MAP3K20: variants seen among roughly 807,000 people sequenced by gnomAD.
The protein encoded by MAP3K20 is mitogen-activated protein kinase kinase kinase 20.
A neutral mutation model predicts 85.7 loss-of-function variants in MAP3K20; 40 were observed. That is an observed-to-expected ratio of 0.47 (90% CI 0.36 to 0.61). MAP3K20 has a LOEUF of 0.61. Ranked by LOEUF, MAP3K20 falls within the 20% of genes least tolerant of loss-of-function variation. MAP3K20 has a pLI of 0.00. For missense variants in MAP3K20, 817 were observed against 961.7 expected (o/e 0.85, Z 1.99); for synonymous variants, 325 against 327.7 (o/e 0.99, Z 0.09).
intron 2 of MAP3K20, among the ~76,000 whole-genome samples, chr2:173,168,158 G>T (rs115249975): frequency 2.7e-3 from 410 of 151,572 alleles, no homozygotes; most frequent in Non-Finnish European, 4.6e-3. Flanking sequence ...AAGAAGTAGG[G>T]TTGCCATGTG....
chr2:173,204,099 A>G (rs1166532232), intron 9 of MAP3K20, among the ~76,000 whole-genome samples: 1 of 152,206 alleles, frequency 6.6e-6, no homozygotes, highest in East Asian at 1.9e-4. Flanking sequence ...TTCTGAATTC[A>G]GTATAAATAA....
chr2:173,185,320 T>G (rs969100940), intron 4 of MAP3K20, among the ~76,000 whole-genome samples: 1 of 152,158 alleles, frequency 6.6e-6, no homozygotes, highest in Non-Finnish European at 1.5e-5. Context: ...TAAAATCCCT[T>G]TTGCCTGTCT....
intron 2 of MAP3K20, among the ~76,000 whole-genome samples, chr2:173,136,285 G>A (rs974107089): frequency 5.9e-5 from 9 of 152,144 alleles, no homozygotes; most frequent in African/African-American, 2.2e-4. Context: ...TTTCCTGTTC[G>A]TTCATGTTTC....
chr2:173,209,025 AAAAT>A, intron 9 of MAP3K20, among the ~76,000 whole-genome samples: 1 of 152,352 alleles, frequency 6.6e-6, no homozygotes, highest in East Asian at 1.9e-4. Flanking sequence ...ATTATAACAG[AAAAT>A]AAATATTGAG....
rs57170663 is a variant in MAP3K20 at position 173,112,806 on chromosome 2, A to ATT, written c.159+21624_159+21625dup. Among the ~76,000 whole-genome samples the ATT allele has an allele frequency of 4.0e-5, 6 of 151,038 alleles. No homozygotes were observed. The East Asian group carries it at 7.8e-4, about 20-fold the overall frequency. ...GATTATCTTTTTGATATGTTGTTGG[A>ATT]TTTTTTTTTAGCAAGTATTTCGTTA... On this transcript the variant is annotated intron_variant, in intron 2 of 19. Coordinates refer to ENST00000375213, the MANE Select transcript of MAP3K20 (RefSeq NM_016653.3).
At chr2:173,208,992 A>G (rs1559279686) in intron 9 of MAP3K20, among the ~76,000 whole-genome samples, 1 of 152,234 alleles carries the variant, frequency 6.6e-6, no homozygotes, top group Non-Finnish European at 1.5e-5. Context: ...ACAGTACCTT[A>G]CAGTGTCTTA....
intron 1 of MAP3K20, among the ~76,000 whole-genome samples, chr2:173,088,131 A>T (rs1574000487): frequency 6.6e-6 from 1 of 152,182 alleles, no homozygotes; most frequent in East Asian, 1.9e-4. Context: ...CGTGGGAGAG[A>T]TTAATGGGGG....
intron 2 of MAP3K20, among the ~76,000 whole-genome samples, chr2:173,156,213 T>G (rs1488677401): frequency 6.6e-6 from 1 of 152,244 alleles, no homozygotes; most frequent in Non-Finnish European, 1.5e-5. Flanking sequence ...CTTCGTGTTT[T>G]GAGACATTTT....
intron 2 of MAP3K20, chr2:173,160,087 GTCT>G (rs1325191463): frequency 1.3e-5 from 2 of 152,110 alleles, no homozygotes; most frequent in Admixed American, 6.5e-5. Context: ...CCAAAGAAAA[GTCT>G]TCATGATGTC....
intron 14 of MAP3K20, among the ~76,000 whole-genome samples, chr2:173,236,251 G>C (rs1684644195): frequency 9.0e-6 from 1 of 110,668 alleles, no homozygotes; most frequent in Non-Finnish European, 1.7e-5. Flanking sequence ...CTGGGCAATA[G>C]AGTGAGACCC....
At chr2:173,195,840 G>A (rs1290039395) in intron 7 of MAP3K20, among the ~76,000 whole-genome samples, 3 of 152,170 alleles carry the variant, frequency 2.0e-5, no homozygotes, top group Non-Finnish European at 4.4e-5. Flanking sequence ...TCCCTCAGCT[G>A]TAGTAGCTCT....
chr2:173,075,883 C>G lies in MAP3K20; in HGVS notation c.-154C>G. On this transcript the variant is annotated 5_prime_UTR_variant, in exon 1 of 20. Transcript: ENST00000375213. ...GTGCAGAGAGGCGGAATGTTCAACT[C>G]CTAACTGCAGCGGAAACGTGGGAGC... is the stretch of plus-strand genomic sequence containing the variant. The G allele has an allele frequency of 1.0e-6, 1 of 985,232 alleles. No homozygotes were observed. The highest frequency in any genetic ancestry group is 1.2e-6 in the Non-Finnish European group (1 of 829,896). The allele number at this position is 985,232 out of a possible 1,614,324, so 61.0% of individuals were successfully genotyped here. A position where few individuals can be genotyped will look rare whatever the true frequency, so the allele number is the denominator to read the frequency against.
intron 2 of MAP3K20, among the ~76,000 whole-genome samples, chr2:173,162,182 C>A (rs79161572): frequency 0.022 from 3,283 of 152,060 alleles, 61 homozygotes; most frequent in South Asian, 0.047. Flanking sequence ...TTTTATTTTT[C>A]AAAAATGTAG....
chr2:173,260,810 A>G (rs1457469238), intron 17 of MAP3K20, among the ~76,000 whole-genome samples: 1 of 152,244 alleles, frequency 6.6e-6, no homozygotes, highest in African/African-American at 2.4e-5. Context: ...AGCAAATGTT[A>G]TATCGGAAAA....
At chr2:173,227,729 T>C (rs2106327817) in intron 11 of MAP3K20, among the ~76,000 whole-genome samples, 1 of 152,364 alleles carries the variant, frequency 6.6e-6, no homozygotes, top group South Asian at 2.1e-4. Flanking sequence ...TTTTGTTTAG[T>C]ACAACATTTA....
chr2:173,218,541 C>T (rs1320433025), intron 11 of MAP3K20, among the ~76,000 whole-genome samples: 2 of 152,208 alleles, frequency 1.3e-5, no homozygotes, highest in East Asian at 3.9e-4. Context: ...GAAAGCCTCA[C>T]TCTAGGGATC....
At chr2:173,110,210 TATATATATATATATATATATATATATA>T (rs1687906408) in intron 2 of MAP3K20, among the ~76,000 whole-genome samples, 7 of 6,902 alleles carry the variant, frequency 1.0e-3, no homozygotes, top group Middle Eastern at 0.05. Context: ...CATATATATA[TATATATATATATATATATATATATATA>T]TATATTTTTT....
At chr2:173,136,488 G>C (rs1474796800) in intron 2 of MAP3K20, among the ~76,000 whole-genome samples, 3 of 152,186 alleles carry the variant, frequency 2.0e-5, no homozygotes, top group Non-Finnish European at 4.4e-5. Flanking sequence ...TGCCTGAAGA[G>C]CCTCGACAGA....
chr2:173,266,535 T>G lies in MAP3K20; in HGVS notation c.2188T>G (p.Phe730Val). The G allele has an allele frequency of 6.2e-7, 1 of 1,613,934 alleles. No individual in the cohort carries two copies. Among genetic ancestry groups the G allele is most frequent in the South Asian group, 1.1e-5 (1 of 91,054 alleles). Reference protein sequence around the residue: ...SALNPHQSPDFKRSPRDLHQP... With the variant: ...SALNPHQSPDVKRSPRDLHQP... Reference sequence around the variant, plus strand: ...ACTCAATCCTCACCAGTCGCCTGACTTCAAGAGAAGCCCCAGGGACCTCCA... The same window carrying G: ...ACTCAATCCTCACCAGTCGCCTGACGTCAAGAGAAGCCCCAGGGACCTCCA... Residue 730 changes from phenylalanine (F) to valine (V), a missense_variant, in exon 20 of 20, where the codon TTC becomes GTC. Around this residue, in one of 4 missense-constraint regions of MAP3K20, gnomAD observed 454 missense variants for 476.9 expected, o/e 0.95. Coordinates refer to ENST00000375213, the MANE Select transcript of MAP3K20 (RefSeq NM_016653.3).
Sources: allele counts gnomAD v4.1 joint callset (sites outside exome capture counted in the v4.1 genomes callset), GRCh38; gene constraint gnomAD v4.1.1; regional missense constraint gnomAD v4.1.1; transcripts MANE v1.5; gene names NCBI Gene and HGNC (gene_info 2026-07-23, HGNC 2026-07-21).